The following ADAM2 variants were observed in gnomAD, a reference collection of about 807,000 sequenced individuals.
The protein encoded by ADAM2 is disintegrin and metalloproteinase domain-containing protein 2.
Under a neutral mutation model 99.3 loss-of-function variants are expected in ADAM2, and 101 were observed. That is an observed-to-expected ratio of 1.02 (90% CI 0.87 to 1.20). The LOEUF is 1.20. Among genes scored for constraint, ADAM2 ranks in the 50% most tolerant of loss-of-function variants. The probability of loss-of-function intolerance (pLI) is 0.00; values close to 1 mark genes in which losing one functional copy is unlikely to be tolerated. For synonymous variants in ADAM2, 323 were observed against 287.6 expected (o/e 1.12, Z -1.25); for missense variants, 948 against 878.7 (o/e 1.08, Z -1.00).
At chr8:39,800,080 G>A (rs541781728) in intron 7 of ADAM2, among the ~76,000 whole-genome samples, 2 of 141,042 alleles carry the variant, frequency 1.4e-5, no homozygotes, top group East Asian at 3.9e-4. Context: ...GTGCTATTTG[G>A]TTATTTTGCA....
At chr8:39,810,004 T>C (rs1208851343) in intron 6 of ADAM2, among the ~76,000 whole-genome samples, 1 of 151,486 alleles carries the variant, frequency 6.6e-6, no homozygotes, top group African/African-American at 2.4e-5. Context: ...GGATAAAGAG[T>C]CAAGACCCAT....
chr8:39,745,654 T>C (rs187804959), intron 19 of ADAM2, among the ~76,000 whole-genome samples: 3 of 152,268 alleles, frequency 2.0e-5, no homozygotes, highest in East Asian at 3.9e-4. Context: ...TTATTACTTA[T>C]TAACTTTTAA....
chr8:39,777,435 TAC>T (rs1186790227), intron 10 of ADAM2, among the ~76,000 whole-genome samples: 1 of 152,174 alleles, frequency 6.6e-6, no homozygotes, highest in African/African-American at 2.4e-5. Flanking sequence ...TAACAACAAT[TAC>T]AGTCATATTT....
intron 7 of ADAM2, among the ~76,000 whole-genome samples, chr8:39,796,049 G>T (rs1045865782): frequency 2.0e-5 from 3 of 151,706 alleles, no homozygotes; most frequent in African/African-American, 7.3e-5. Context: ...CTCATTATTA[G>T]ATTCTCTTTT....
At chr8:39,803,115 G>T (rs564990784) in intron 7 of ADAM2, among the ~76,000 whole-genome samples, 1 of 152,254 alleles carries the variant, frequency 6.6e-6, no homozygotes, top group African/African-American at 2.4e-5. Context: ...TCCTGAAATT[G>T]TGATTTAAAA....
intron 7 of ADAM2, among the ~76,000 whole-genome samples, chr8:39,807,465 G>T (rs956139239): frequency 6.6e-6 from 1 of 152,148 alleles, no homozygotes; most frequent in Non-Finnish European, 1.5e-5. Flanking sequence ...GAGTTCTATG[G>T]AGTAAATTAT....
chr8:39,785,481 G>A (rs1251212586), intron 10 of ADAM2, among the ~76,000 whole-genome samples: 1 of 152,148 alleles, frequency 6.6e-6, no homozygotes, highest in East Asian at 1.9e-4. Flanking sequence ...ACTTAAAACA[G>A]AACTACCATT....
chr8:39,762,998 C>G (rs1802429633), intron 14 of ADAM2, among the ~76,000 whole-genome samples: 1 of 152,102 alleles, frequency 6.6e-6, no homozygotes, highest in Non-Finnish European at 1.5e-5. Context: ...TGGGCATATT[C>G]TCATTTGTTC....
At chr8:39,830,571 G>T (rs528894275) in intron 3 of ADAM2, among the ~76,000 whole-genome samples, 2 of 152,268 alleles carry the variant, frequency 1.3e-5, no homozygotes, top group South Asian at 4.1e-4. Flanking sequence ...ACAGCTGAAA[G>T]AGTGAGCAGG....
At chr8:39,829,566 A>G (rs1805537334) in intron 3 of ADAM2, among the ~76,000 whole-genome samples, 1 of 151,982 alleles carries the variant, frequency 6.6e-6, no homozygotes, top group African/African-American at 2.4e-5. Context: ...TAGAATATAT[A>G]ATTCAGAGGA....
At chr8:39,810,768 G>A (rs1227922624) in intron 6 of ADAM2, among the ~76,000 whole-genome samples, 2 of 152,114 alleles carry the variant, frequency 1.3e-5, no homozygotes, top group African/African-American at 4.8e-5. Context: ...CAGAATCTCT[G>A]GGACACATTT....
At chr8:39,824,645 A>G (rs1805327374) in intron 4 of ADAM2, among the ~76,000 whole-genome samples, 174 bp downstream of exon 4, 1 of 152,220 alleles carries the variant, frequency 6.6e-6, no homozygotes, top group African/African-American at 2.4e-5. Flanking sequence ...TTAGTTAATC[A>G]TCTGTTTAAT....
intron 7 of ADAM2, among the ~76,000 whole-genome samples, chr8:39,799,745 T>C (rs1439183881): frequency 6.6e-6 from 1 of 152,222 alleles, no homozygotes; most frequent in Admixed American, 6.5e-5. Flanking sequence ...ATATTCAGAA[T>C]AGTTAGCTCT....
chr8:39,755,752 A>C lies in ADAM2; in HGVS notation c.1773T>G (p.Asp591Glu). 6.2e-7 allele frequency: 1 copy of C among 1,613,038 alleles called. No individual in the cohort carries two copies. The highest frequency in any genetic ancestry group is 8.5e-7 in the Non-Finnish European group (1 of 1,179,570). The change falls in exon 16 of 21, where the codon GAT becomes GAG. Residue 591 changes from aspartate (D) to glutamate (E), a missense_variant. By Grantham distance (45) the Asp-to-Glu change is conservative (BLOSUM62 2). Transcript: ENST00000265708. The stretch of plus-strand genomic sequence containing the variant: ...CCTTATTTGAACCACAAGAAGTTCC[A>C]TCTTTTATCCACATCTTTTGGCTGT... ...HADSQKMWIK[D>E]GTSCGSNKVC...
chr8:39,833,920 G>A (rs1199439496), intron 3 of ADAM2, 24 bp downstream of exon 3: 1 of 1,257,190 alleles, frequency 8.0e-7, no homozygotes, highest in Admixed American at 1.8e-5. Context: ...AAAGAGAATT[G>A]ATAAAATAAT....
intron 10 of ADAM2, among the ~76,000 whole-genome samples, chr8:39,782,755 CT>C (rs1016366251): frequency 6.6e-6 from 1 of 151,816 alleles, no homozygotes; most frequent in Non-Finnish European, 1.5e-5. Context: ...GTTTTTTCAG[CT>C]TTTTTTGAAA....
At chr8:39,783,108 AT>A (rs1194917968) in intron 10 of ADAM2, among the ~76,000 whole-genome samples, 1 of 152,074 alleles carries the variant, frequency 6.6e-6, no homozygotes, top group Non-Finnish European at 1.5e-5. Context: ...TCATTATTTT[AT>A]TTGCAAATCT....
Position 39,788,080 on chromosome 8 carries a change from C to A in ADAM2, c.809+5G>T. On this transcript the variant is annotated splice_donor_5th_base_variant and intron_variant, in intron 9 of 20. Coordinates refer to ENST00000265708, the MANE Select transcript of ADAM2 (RefSeq NM_001464.5). ...AAACTTTATATAATGTCAAGATATC[C>A]TTACACAAGTAAAAATGCCACATCA... 1 of 1,503,976 alleles carries A rather than the reference C, an allele frequency of 6.6e-7. No individual in the cohort carries two copies. The highest frequency in any genetic ancestry group is 1.4e-5 in the South Asian group (1 of 71,540). 93.2% of individuals were successfully genotyped at this position (1,503,976 alleles called of 1,614,324 possible).
chr8:39,811,036 A>G (rs896766520), intron 6 of ADAM2, among the ~76,000 whole-genome samples: 3 of 152,228 alleles, frequency 2.0e-5, no homozygotes, highest in Admixed American at 6.5e-5. Context: ...TTGATAGACC[A>G]CTAGCAAGAC....
Sources: gnomAD v4.1 joint callset for allele counts (sites outside exome capture counted in the v4.1 genomes callset) on GRCh38, gnomAD v4.1.1 for gene constraint, MANE v1.5 for transcripts, NCBI Gene and HGNC (gene_info 2026-07-23, HGNC 2026-07-21) for gene names.